Variants in CYGB observed in about 807,000 individuals in gnomAD.
CYGB encodes the protein histoglobin.
A neutral mutation model predicts 20.7 loss-of-function variants in CYGB; 13 were observed. The observed-to-expected ratio is 0.63, with a 90% CI of 0.41 to 1.00. CYGB has a LOEUF of 1.00. CYGB is among the 50% of genes least tolerant of loss of function. The pLI is 0.00. For synonymous variants in CYGB, 93 were observed against 107.4 expected, an observed-to-expected ratio of 0.87 and a Z score of 0.83; for missense variants, 218 against 257.2, an observed-to-expected ratio of 0.85 and a Z score of 1.04.
Position 76,530,946 on chromosome 17 carries a change from G to A in CYGB, c.539+33C>T, listed in dbSNP as rs761493203. On this transcript the variant is annotated intron_variant, in intron 3 of 3. Transcript: ENST00000293230. This position sits in a 1 kb window ranked among gnomAD's most constrained non-coding sequence, Gnocchi z 6.1. ...GGGACAGCAGAGGACATGGCGGGGA[G>A]GCTGCCCAGCCCACCCTCGCCCGCC... is the stretch of plus-strand genomic sequence containing the variant. 2.3e-5 allele frequency: 35 copies of A among 1,536,778 alleles called. No individual in the cohort carries two copies. The African/African-American group carries it at 4.1e-4, about 18-fold the overall frequency.
upstream of CYGB, among the ~76,000 whole-genome samples, chr17:76,541,366 T>C (rs1485966879): frequency 6.6e-6 from 1 of 152,138 alleles, no homozygotes; most frequent in African/African-American, 2.4e-5. Context: ...TCCGATGACA[T>C]CTTTGGGTCA....
At chr17:76,535,925 CA>C (rs2143113158) in intron 1 of CYGB, among the ~76,000 whole-genome samples, 1 of 152,346 alleles carries the variant, frequency 6.6e-6, no homozygotes, top group Admixed American at 6.5e-5. Flanking sequence ...CATGGTGACC[CA>C]TGAGTGTGCC....
rs4648340 is a variant in CYGB, at chr17:76,546,135, C to T, written c.-53+4727G>A. 0.34 allele frequency: 51,051 copies of T among 152,214 alleles called. 10,633 individuals carry two copies. The highest frequency in any genetic ancestry group is 0.59 in the African/African-American group (24,448 of 41,440). The allele number at this position is 152,214 out of a possible 1,614,324, so 9.4% of individuals were successfully genotyped here. A position where few individuals can be genotyped will look rare whatever the true frequency, so the allele number is the denominator to read the frequency against. On this transcript the variant is annotated intron_variant, in intron 1 of 3. Coordinates refer to the CYGB transcript ENST00000589145. This position sits in a 1 kb window ranked among gnomAD's most constrained non-coding sequence, Gnocchi z 4.5. ...CGGGAGGCGCTGCCCTGCTGTGGTA[C>T]CTTCCTCCGTGTGAATGCTAATATC... is the stretch of plus-strand genomic sequence containing the variant.
At position 76,527,361 on chromosome 17, in the gene CYGB, C is replaced by T; in HGVS notation, c.*1217G>A. 2.8e-6 allele frequency: 1 copy of T among 353,126 alleles called. No homozygotes were observed. The highest frequency in any genetic ancestry group is 5.6e-6 in the Non-Finnish European group (1 of 177,750). The allele number at this position is 353,126 out of a possible 1,614,324, so 21.9% of individuals were successfully genotyped here. On this transcript the variant is annotated 3_prime_UTR_variant, in exon 4 of 4. Transcript: ENST00000293230. ...ACTGCACGAGTGTGCACAGGTACAGCAAGAACGGGTCTGTTTAATGACACA... is the reference window on the plus strand; with the variant it reads ...ACTGCACGAGTGTGCACAGGTACAGTAAGAACGGGTCTGTTTAATGACACA...
chr17:76,537,500 G>A lies in CYGB; in HGVS notation c.43C>T (p.Arg15Trp), dbSNP rs374058686. 1.3e-6 allele frequency: 2 copies of A among 1,578,742 alleles called. No homozygotes were observed. Among genetic ancestry groups the A allele is most frequent in the Non-Finnish European group, 1.7e-6 (2 of 1,164,458 alleles). ...TCCGCCTCGGACAGCTCCTCGCTCC[G>A]CTCCCTGCGCTCGATCTCCATCTCG... ...PGEMEIERRE[R>W]SEELSEAERK... is the part of the protein sequence containing the mutation. Residue 15 changes from arginine (R) to tryptophan (W), a missense_variant, in exon 1 of 4, where the codon CGG (arginine) becomes TGG (tryptophan). This residue lies in a region of CYGB where 152 missense variants were observed against 149.9 expected (regional missense o/e 1.01). Transcript: ENST00000293230.
Position 76,528,517 on chromosome 17 carries a change from G to C in CYGB, c.*61C>G. On this transcript the variant is annotated 3_prime_UTR_variant, in exon 4 of 4. Transcript: ENST00000293230. The surrounding 1 kb of genome is among the most constrained non-coding windows in gnomAD (Gnocchi z 5.8). Reference sequence around the variant, plus strand: ...ACCCAGAAATGGAGCGTCAAGGAGGGTCTTCAGAACTCGGCCTTCTGCTCG... The same window carrying C: ...ACCCAGAAATGGAGCGTCAAGGAGGCTCTTCAGAACTCGGCCTTCTGCTCG... 1 of 1,243,830 alleles carries C rather than the reference G, an allele frequency of 8.0e-7. No individual in the cohort carries two copies. The highest frequency in any genetic ancestry group is 1.0e-6 in the Non-Finnish European group (1 of 968,622). The allele number at this position is 1,243,830 out of a possible 1,614,324, so 77.0% of individuals were successfully genotyped here.
chr17:76,543,299 G>A, intron 1 of CYGB: 1 of 351,672 alleles, frequency 2.8e-6, no homozygotes, highest in Non-Finnish European at 5.6e-6. Context: ...TGCTGAGCCT[G>A]AGAAAGCCTA....
upstream of CYGB, among the ~76,000 whole-genome samples, chr17:76,538,766 C>T (rs2074952639): frequency 6.6e-6 from 1 of 152,202 alleles, no homozygotes; most frequent in African/African-American, 2.4e-5. Flanking sequence ...TGCCCTGCAG[C>T]GGCTGCTCAG....
Position 76,527,915 on chromosome 17 carries a change from C to T in CYGB, c.*663G>A, listed in dbSNP as rs2074786162. On this transcript the variant is annotated 3_prime_UTR_variant, in exon 4 of 4. Transcript: ENST00000293230. ...GAATTCAGGAATGTGGGGAGCTGGT[C>T]TGAGAAGGGGCTGGGCTTTGCCGCC... The T allele has an allele frequency of 2.4e-6, 1 of 418,214 alleles. No individual in the cohort carries two copies. The highest frequency in any genetic ancestry group is 2.0e-5 in the African/African-American group (1 of 49,408). 25.9% of individuals were successfully genotyped at this position (418,214 alleles called of 1,614,324 possible).
At chr17:76,547,050 C>T (rs555862404) in intron 1 of CYGB, 1 of 152,400 alleles carries the variant, frequency 6.6e-6, no homozygotes, top group South Asian at 2.1e-4. Flanking sequence ...CCCGCCCAGC[C>T]TGCCTTTGCA....
chr17:76,531,320 C>T lies in CYGB; in HGVS notation c.375+140G>A. On this transcript the variant is annotated intron_variant, in intron 2 of 3. Transcript: ENST00000293230. This position sits in a 1 kb window ranked among gnomAD's most constrained non-coding sequence, Gnocchi z 7.4. ...CCCTGGACCCAGCCCCTCCATCCTGCTGCCGGGCACTGCCCCTCCCTCTCG... is the reference window on the plus strand; with the variant it reads ...CCCTGGACCCAGCCCCTCCATCCTGTTGCCGGGCACTGCCCCTCCCTCTCG... 1.6e-6 allele frequency: 2 copies of T among 1,218,728 alleles called. No individual in the cohort carries two copies. Among genetic ancestry groups the T allele is most frequent in the Admixed American group, 4.8e-5 (2 of 41,882 alleles). The allele number at this position is 1,218,728 out of a possible 1,614,324, so 75.5% of individuals were successfully genotyped here.
In CYGB at chr17:76,527,624, T is replaced by C. The variant is rs1232399141; in HGVS notation, c.*954A>G. ...ACTGCCGGCCAGGAGGAGGGTGGGG[T>C]GGGGAAAGCCCTCGGCCCTCGGAGC... On this transcript the variant is annotated 3_prime_UTR_variant, in exon 4 of 4. Coordinates refer to ENST00000293230, the MANE Select transcript of CYGB (RefSeq NM_134268.5). The C allele has an allele frequency of 2.2e-6, 1 of 452,850 alleles. No homozygotes were observed. Among genetic ancestry groups the C allele is most frequent in the South Asian group, 1.6e-5 (1 of 64,416 alleles). 28.1% of individuals were successfully genotyped at this position (452,850 alleles called of 1,614,324 possible). A position where few individuals can be genotyped will look rare whatever the true frequency, so the allele number is the denominator to read the frequency against.
At chr17:76,540,556 C>T (rs781553592), upstream of CYGB, 20 of 1,613,334 alleles carry the variant, frequency 1.2e-5, no homozygotes, top group Non-Finnish European at 1.6e-5. The surrounding 1 kb of genome is among the most constrained non-coding windows in gnomAD (Gnocchi z 5.0). Context: ...TGGATGCGGA[C>T]CCTCAGTCCT....
At chr17:76,529,311 G>A (rs1011951531) in intron 3 of CYGB, 2 of 985,418 alleles carry the variant, frequency 2.0e-6, no homozygotes, top group Admixed American at 6.1e-5. Context: ...TGACAGCTGG[G>A]AGTAACCCCC....
chr17:76,549,181 T>C (rs2075083623), intron 1 of CYGB, among the ~76,000 whole-genome samples: 1 of 152,194 alleles, frequency 6.6e-6, no homozygotes. Context: ...GGAGTAAATA[T>C]TTGCCAAACA....
At chr17:76,535,494 G>T (rs935028967) in intron 1 of CYGB, among the ~76,000 whole-genome samples, 4 of 152,170 alleles carry the variant, frequency 2.6e-5, no homozygotes, top group Admixed American at 1.3e-4. Context: ...GGCCCTGTGG[G>T]GCTTGGGCTG....
chr17:76,536,373 G>T (rs2074913923), intron 1 of CYGB, among the ~76,000 whole-genome samples: 1 of 152,132 alleles, frequency 6.6e-6, no homozygotes, highest in Admixed American at 6.5e-5. Context: ...CCAGAGCGAG[G>T]CTTCACCCCA....
rs2074834149 is a variant in CYGB at position 76,531,118 on chromosome 17, C to A, written c.400G>T (p.Val134Leu). 1 of 1,613,840 alleles carries A rather than the reference C, an allele frequency of 6.2e-7. No homozygotes were observed. The highest frequency in any genetic ancestry group is 1.1e-5 in the South Asian group (1 of 91,086). The change falls in exon 3 of 4, where the codon GTG (valine) becomes TTG (leucine). Residue 134 changes from valine (V) to leucine (L), a missense_variant. Around this residue, in one of 2 missense-constraint regions of CYGB, gnomAD observed 66 missense variants for 107.4 expected, o/e 0.61. Coordinates refer to ENST00000293230, the MANE Select transcript of CYGB (RefSeq NM_134268.5). The surrounding 1 kb of genome is among the most constrained non-coding windows in gnomAD (Gnocchi z 7.4). ...FKILSGVILE[V>L]VAEEFASDFP... is the part of the protein sequence containing the mutation. ...TCACTGGCAAATTCCTCGGCGACCA[C>A]CTCCAGAATGACCCCAGAGAGGATC...
rs975811105 is a variant in CYGB at position 76,534,552 on chromosome 17, T to C, written c.143+2848A>G. On this transcript the variant is annotated intron_variant, in intron 1 of 3. Transcript: ENST00000293230. ...ACTGATGAGGAAACAACAGGGAACA[T>C]TTATTGAGCACTTACTGTACGATCT... Among the ~76,000 whole-genome samples the C allele has an allele frequency of 7.9e-5, 12 of 152,346 alleles. 1 individual carries two copies. The highest frequency in any genetic ancestry group is 3.9e-4 in the Admixed American group (6 of 15,310).
Sources: allele counts gnomAD v4.1 joint callset (sites outside exome capture counted in the v4.1 genomes callset), GRCh38; gene constraint gnomAD v4.1.1; regional missense constraint gnomAD v4.1.1; non-coding constraint Gnocchi (gnomAD v3.1); transcripts MANE v1.5; gene names NCBI Gene and HGNC (gene_info 2026-07-23, HGNC 2026-07-21).